The following LIMK2 variants were observed in gnomAD, a reference collection of about 807,000 sequenced individuals.
The protein encoded by LIMK2 is LIM domain kinase 2.
LIMK2 carries 35 observed loss-of-function variants against 75.7 expected under a neutral mutation model. The ratio of observed to expected loss-of-function variants is 0.46; its 90% CI spans 0.35 to 0.61. The LOEUF is 0.61. Among genes scored for constraint, LIMK2 ranks in the 20% least tolerant of loss-of-function variants. The probability of loss-of-function intolerance (pLI) is 0.00; values close to 1 mark genes in which losing one functional copy is unlikely to be tolerated. For missense variants in LIMK2, 623 were observed against 831.0 expected (o/e 0.75, Z 3.08); for synonymous variants, 301 against 319.2 (o/e 0.94, Z 0.61).
At position 31,268,059 on chromosome 22, in the gene LIMK2, C is replaced by T. The variant is rs149211358; in HGVS notation, c.1261-85C>T. The T allele has an allele frequency of 1.0e-3, 1,520 of 1,526,412 alleles. 12 individuals are homozygous for T. In the African/African-American group the frequency reaches 0.019, roughly 19 times the overall value. 94.6% of individuals were successfully genotyped at this position (1,526,412 alleles called of 1,614,324 possible). On this transcript the variant is annotated intron_variant, in intron 10 of 15. Coordinates refer to ENST00000331728, the MANE Select transcript of LIMK2 (RefSeq NM_005569.4). ...ACTGAGCATACACAGGGAGGCTTCA[C>T]TGGGAGACCACATTGACCCATGGGG...
chr22:31,223,652 G>T (rs1329547820), intron 1 of LIMK2, among the ~76,000 whole-genome samples: 2 of 152,098 alleles, frequency 1.3e-5, no homozygotes, highest in East Asian at 3.9e-4. Context: ...TCCACTGTCC[G>T]TAACCCAACC....
intron 2 of LIMK2, among the ~76,000 whole-genome samples, chr22:31,235,520 G>C (rs1397519023): frequency 6.6e-6 from 1 of 152,166 alleles, no homozygotes; most frequent in Non-Finnish European, 1.5e-5. Flanking sequence ...ATCCAGGCAG[G>C]AACAAGCCCT....
chr22:31,272,800 C>G, intron 13 of LIMK2, 96 bp downstream of exon 13: 1 of 1,472,974 alleles, frequency 6.8e-7, no homozygotes, highest in South Asian at 1.4e-5. Flanking sequence ...GCCTGTGAAG[C>G]GTAGGACCGG....
chr22:31,238,138 A>G (rs1052364159), intron 2 of LIMK2, among the ~76,000 whole-genome samples: 3 of 151,694 alleles, frequency 2.0e-5, no homozygotes, highest in African/African-American at 7.3e-5. Flanking sequence ...AAAAACCAAA[A>G]CCAATATAAT....
At chr22:31,275,094 G>T in intron 14 of LIMK2, 57 bp from the exon 15 acceptor site, 3 of 1,557,782 alleles carry the variant, frequency 1.9e-6, no homozygotes, top group Non-Finnish European at 2.7e-6. Flanking sequence ...CCTTTCCCTT[G>T]CCAAGTATCT....
intron 5 of LIMK2, among the ~76,000 whole-genome samples, chr22:31,260,933 T>C (rs886226819): frequency 5.3e-5 from 8 of 152,150 alleles, no homozygotes; most frequent in Non-Finnish European, 1.0e-4. Flanking sequence ...AGCAGCAAGG[T>C]GTTGTGACCA....
chr22:31,277,367 G>A (rs2049041018), intron 15 of LIMK2: 8 of 1,365,224 alleles, frequency 5.9e-6, no homozygotes, highest in South Asian at 1.7e-5. Flanking sequence ...TTGACTCTGC[G>A]GCACGGGCCC....
chr22:31,220,027 A>T lies in LIMK2; in HGVS notation c.17-5693A>T, dbSNP rs1601397374. Among the ~76,000 whole-genome samples, 7 of 152,336 alleles carry T rather than the reference A, an allele frequency of 4.6e-5. No homozygotes were observed. The South Asian group carries it at 1.4e-3, about 32-fold the overall frequency. ...TGACTGGACTTTGGATTGATCCTCC[A>T]CTAGGCTTCACAGAAATCCCTAAGA... On this transcript the variant is annotated intron_variant, in intron 1 of 15. Transcript: ENST00000331728.
At chr22:31,277,144 T>A in intron 15 of LIMK2, 1 of 1,613,270 alleles carries the variant, frequency 6.2e-7, no homozygotes, top group Non-Finnish European at 8.5e-7. Flanking sequence ...GAAGTGAGGG[T>A]CCCCGACCCA....
At chr22:31,270,623 G>A (rs1048016725) in intron 11 of LIMK2, among the ~76,000 whole-genome samples, 2 of 152,194 alleles carry the variant, frequency 1.3e-5, no homozygotes, top group Admixed American at 6.5e-5. Flanking sequence ...GTAGGAAGGG[G>A]GAGAGCTTAA....
At chr22:31,246,688 G>C (rs951335967) in intron 2 of LIMK2, among the ~76,000 whole-genome samples, 1 of 150,074 alleles carries the variant, frequency 6.7e-6, no homozygotes, top group Non-Finnish European at 1.5e-5. Context: ...AGAAGGTCGA[G>C]GTCAAGATTG....
intron 5 of LIMK2, among the ~76,000 whole-genome samples, 200 bp downstream of exon 5, chr22:31,260,277 T>A (rs545816676): frequency 2.0e-5 from 3 of 152,346 alleles, no homozygotes; most frequent in African/African-American, 7.2e-5. Flanking sequence ...TCCTACCCGA[T>A]ACTTAAGGCA....
At chr22:31,257,638 A>C (rs555049107) in intron 2 of LIMK2, among the ~76,000 whole-genome samples, 14 of 152,250 alleles carry the variant, frequency 9.2e-5, no homozygotes, top group African/African-American at 3.1e-4. Flanking sequence ...TCCAAGTTTG[A>C]GGCATTGTAT....
chr22:31,251,110 G>A (rs954315541), intron 2 of LIMK2, among the ~76,000 whole-genome samples: 3 of 152,238 alleles, frequency 2.0e-5, no homozygotes, highest in African/African-American at 7.2e-5. Context: ...AGCGTGAGAA[G>A]TGAGCTGCAA....
At chr22:31,274,376 G>A (rs2048990867) in intron 14 of LIMK2, among the ~76,000 whole-genome samples, 2 of 152,060 alleles carry the variant, frequency 1.3e-5, no homozygotes, top group East Asian at 1.9e-4. Flanking sequence ...GACAAGGGAT[G>A]GTTAGGATAA....
intron 2 of LIMK2, among the ~76,000 whole-genome samples, chr22:31,232,498 A>G (rs146824333): frequency 6.6e-6 from 1 of 152,332 alleles, no homozygotes; most frequent in Non-Finnish European, 1.5e-5. Flanking sequence ...TGCATCTTAT[A>G]TTAACTATCC....
chr22:31,218,599 G>A (rs1478634058), intron 1 of LIMK2, among the ~76,000 whole-genome samples: 1 of 152,078 alleles, frequency 6.6e-6, no homozygotes, highest in African/African-American at 2.4e-5. Flanking sequence ...AAACCCTTTG[G>A]GTTACAGGGA....
chr22:31,269,223 A>AAAAG (rs2048929761), intron 11 of LIMK2, among the ~76,000 whole-genome samples: 1 of 148,692 alleles, frequency 6.7e-6, no homozygotes, highest in South Asian at 2.1e-4. Context: ...CTCCTGCCTT[A>AAAAG]GCCTCCCAAG....
chr22:31,217,603 T>C (rs919057247), intron 1 of LIMK2, among the ~76,000 whole-genome samples: 4 of 152,180 alleles, frequency 2.6e-5, no homozygotes, highest in African/African-American at 9.7e-5. Context: ...ATAAAGTAGT[T>C]TTTTTCCTCT....
Sources: gnomAD v4.1 joint callset for allele counts (sites outside exome capture counted in the v4.1 genomes callset) on GRCh38, gnomAD v4.1.1 for gene constraint, MANE v1.5 for transcripts, NCBI Gene and HGNC (gene_info 2026-07-23, HGNC 2026-07-21) for gene names.